The following BCAP29 variants were observed in gnomAD, a reference collection of about 807,000 sequenced individuals.
BCAP29 encodes B cell receptor associated protein 29, also known as B-cell receptor-associated protein 29.
BCAP29 carries 34 observed loss-of-function variants against 31.8 expected under a neutral mutation model. The ratio of observed to expected loss-of-function variants is 1.07; its 90% CI spans 0.81 to 1.42. The LOEUF (loss-of-function observed/expected upper bound fraction) is 1.42. Ranked by LOEUF, BCAP29 falls within the 40% of genes most tolerant of loss-of-function variation. BCAP29 has a pLI of 0.00. For synonymous variants in BCAP29, 104 were observed against 91.3 expected, an observed-to-expected ratio of 1.14 and a Z score of -0.79; for missense variants, 314 against 269.2, an observed-to-expected ratio of 1.17 and a Z score of -1.16.
rs776893923 is a variant in BCAP29, at chr7:107,618,555, C to A, written c.*192C>A. ...TCAGATATATTGCAAAGTCTGTATT[C>A]CAGCTCTTAAGAAAAATATAAGCAT... is the stretch of plus-strand genomic sequence containing the variant. On this transcript the variant is annotated 3_prime_UTR_variant, in exon 8 of 8. Transcript: ENST00000005259. The A allele has an allele frequency of 7.5e-6, 12 of 1,598,510 alleles. No homozygotes were observed. Among genetic ancestry groups the A allele is most frequent in the Non-Finnish European group, 1.0e-5 (12 of 1,167,506 alleles).
chr7:107,618,808 G>T lies in BCAP29; in HGVS notation c.*445G>T. On this transcript the variant is annotated 3_prime_UTR_variant, in exon 8 of 8. Coordinates refer to ENST00000005259, the MANE Select transcript of BCAP29 (RefSeq NM_018844.4). ...TCAATATCAGCAAATTTGTACACAG[G>T]GAATGTAAATAAGGATAACTGATCA... 1 of 399,384 alleles carries T rather than the reference G, an allele frequency of 2.5e-6. No homozygotes were observed. The highest frequency in any genetic ancestry group is 4.5e-6 in the Non-Finnish European group (1 of 220,720). 24.7% of individuals were successfully genotyped at this position (399,384 alleles called of 1,614,324 possible). A position where few individuals can be genotyped will look rare whatever the true frequency, so the allele number is the denominator to read the frequency against.
chr7:107,609,611 A>G (rs1002762881), intron 6 of BCAP29, among the ~76,000 whole-genome samples: 1 of 152,238 alleles, frequency 6.6e-6, no homozygotes, highest in African/African-American at 2.4e-5. Context: ...CAGACCTCAC[A>G]ATATAGGCAT....
chr7:107,622,801 C>T (rs1815085290), downstream of BCAP29: 3 of 152,230 alleles, frequency 2.0e-5, no homozygotes, highest in Admixed American at 2.0e-4. Flanking sequence ...AGGACTGGAA[C>T]AAAGAATGAT....
chr7:107,621,255 G>A (rs116989627), downstream of BCAP29: 5,364 of 185,490 alleles, frequency 0.029, 133 homozygotes, highest in Non-Finnish European at 0.04. Context: ...GGGATGATCC[G>A]TCTAGAGTCC....
chr7:107,590,438 T>C (rs1011745646), intron 3 of BCAP29, among the ~76,000 whole-genome samples: 1 of 152,118 alleles, frequency 6.6e-6, no homozygotes, highest in African/African-American at 2.4e-5. Flanking sequence ...GCCAGGGTAA[T>C]AATAAGTCAT....
At chr7:107,600,913 T>G (rs1440360197) in intron 6 of BCAP29, among the ~76,000 whole-genome samples, 1 of 152,220 alleles carries the variant, frequency 6.6e-6, no homozygotes, top group Non-Finnish European at 1.5e-5. Flanking sequence ...ACTAATATAT[T>G]CTACCTGTTA....
intron 7 of BCAP29, among the ~76,000 whole-genome samples, chr7:107,617,866 A>G (rs1420459957): frequency 6.6e-6 from 1 of 152,078 alleles, no homozygotes; most frequent in Non-Finnish European, 1.5e-5. Flanking sequence ...TTTCTTTTCC[A>G]TTTTCCTTCA....
chr7:107,612,512 A>G (rs1813420649), intron 6 of BCAP29, among the ~76,000 whole-genome samples: 1 of 149,798 alleles, frequency 6.7e-6, no homozygotes. Flanking sequence ...GTAAAGGTCA[A>G]TATATAGTAA....
intron 6 of BCAP29, among the ~76,000 whole-genome samples, chr7:107,608,520 A>G (rs1812574808): frequency 6.6e-6 from 1 of 151,922 alleles, no homozygotes; most frequent in Admixed American, 6.6e-5. Context: ...ACTTTCTGGC[A>G]TTACAAGATA....
chr7:107,599,059 TTATAAATA>T (rs1308751332), intron 5 of BCAP29, among the ~76,000 whole-genome samples: 21 of 136,142 alleles, frequency 1.5e-4, no homozygotes, highest in African/African-American at 5.7e-4. Context: ...TAAAATATAT[TTATAAATA>T]TATAAATATA....
At chr7:107,591,803 A>AT (rs1416597951) in intron 3 of BCAP29, among the ~76,000 whole-genome samples, 1 of 152,098 alleles carries the variant, frequency 6.6e-6, no homozygotes, top group East Asian at 1.9e-4. Context: ...CCAATCAAGT[A>AT]TTTGTTTTAT....
chr7:107,596,036 T>C, intron 5 of BCAP29, 34 bp downstream of exon 5: 1 of 1,531,712 alleles, frequency 6.5e-7, no homozygotes, highest in Non-Finnish European at 8.8e-7. Flanking sequence ...TTAAATGTTG[T>C]TGGTGTTCCC....
chr7:107,583,086 C>T (rs1367111041), intron 2 of BCAP29, among the ~76,000 whole-genome samples: 1 of 151,876 alleles, frequency 6.6e-6, no homozygotes, highest in African/African-American at 2.4e-5. Flanking sequence ...CTACATTTTT[C>T]TGCCTCCTTT....
chr7:107,599,060 T>C (rs1038213304), intron 5 of BCAP29, among the ~76,000 whole-genome samples: 2 of 135,572 alleles, frequency 1.5e-5, no homozygotes, highest in African/African-American at 5.5e-5. Flanking sequence ...AAAATATATT[T>C]ATAAATATAT....
intron 3 of BCAP29, chr7:107,587,649 TC>T (rs566869322): frequency 2.6e-4 from 39 of 152,190 alleles, no homozygotes; most frequent in Non-Finnish European, 4.4e-4. Flanking sequence ...TTTCTAAAGA[TC>T]ATTTAAGAGA....
intron 3 of BCAP29, among the ~76,000 whole-genome samples, chr7:107,589,804 T>C (rs974452202): frequency 2.0e-5 from 3 of 152,180 alleles, no homozygotes; most frequent in African/African-American, 4.8e-5. Context: ...TGGAATCATA[T>C]AGAGTATGGG....
chr7:107,618,459 C>G lies in BCAP29; in HGVS notation c.*96C>G. 5 of 1,612,450 alleles carry G rather than the reference C, an allele frequency of 3.1e-6. No individual in the cohort carries two copies. The highest frequency in any genetic ancestry group is 4.2e-6 in the Non-Finnish European group (5 of 1,179,130). On this transcript the variant is annotated 3_prime_UTR_variant, in exon 8 of 8. Coordinates refer to ENST00000005259, the MANE Select transcript of BCAP29 (RefSeq NM_018844.4). ...TAAGTTCAGAAAAATGCACTATGAC[C>G]GGTTCGTAATTTTTTTAATGCCACA...
intron 5 of BCAP29, among the ~76,000 whole-genome samples, chr7:107,596,437 C>T (rs1001493501): frequency 1.3e-5 from 2 of 152,082 alleles, no homozygotes; most frequent in Non-Finnish European, 2.9e-5. Flanking sequence ...AGCAGAGAAA[C>T]GTCATTGATG....
At position 107,583,985 on chromosome 7, in the gene BCAP29, A is replaced by G. The variant is rs755284824; in HGVS notation, c.193+3A>G. Reference sequence around the variant, plus strand: ...CCTATTGATTGTTCTATTTCTAGGTAAGTACTAGATCCCTTCTTTGAATAA... The same window carrying G: ...CCTATTGATTGTTCTATTTCTAGGTGAGTACTAGATCCCTTCTTTGAATAA... On this transcript the variant is annotated splice_donor_region_variant and intron_variant, in intron 3 of 7. Transcript: ENST00000005259. 70 of 1,472,472 alleles carry G rather than the reference A, an allele frequency of 4.8e-5. No individual in the cohort carries two copies. The highest frequency in any genetic ancestry group is 4.8e-5 in the Non-Finnish European group (52 of 1,073,384). 91.2% of individuals were successfully genotyped at this position (1,472,472 alleles called of 1,614,324 possible). A position where few individuals can be genotyped will look rare whatever the true frequency, so the allele number is the denominator to read the frequency against.
Sources: allele counts gnomAD v4.1 joint callset (sites outside exome capture counted in the v4.1 genomes callset), GRCh38; gene constraint gnomAD v4.1.1; transcripts MANE v1.5; gene names NCBI Gene and HGNC (gene_info 2026-07-23, HGNC 2026-07-21).